SPMIP2: variants seen among roughly 807,000 people sequenced by gnomAD.
SPMIP2 encodes the protein sperm microtubule inner protein 2, also known as protein SPMIP2.
At chr4:159,076,097 C>T in the SPMIP2 span, among the ~76,000 whole-genome samples, 2 of 152,174 alleles carry the variant, frequency 1.3e-5, no homozygotes, top group African/African-American at 4.8e-5. Flanking sequence ...CATGTTAATT[C>T]TCCCAACAAC....
the SPMIP2 span, among the ~76,000 whole-genome samples, chr4:159,044,507 T>C: frequency 2.0e-5 from 3 of 149,820 alleles, no homozygotes; most frequent in South Asian, 6.4e-4. Flanking sequence ...AAAAATCAAG[T>C]CAAAAGGCCC....
chr4:158,915,127 C>T, the SPMIP2 span: 2 of 1,540,090 alleles, frequency 1.3e-6, no homozygotes, highest in Non-Finnish European at 1.8e-6. Context: ...GTTAAAGCAG[C>T]CTGACTTTTT....
the SPMIP2 span, among the ~76,000 whole-genome samples, chr4:158,952,178 CCTTG>C: frequency 1.3e-5 from 2 of 152,118 alleles, no homozygotes; most frequent in Non-Finnish European, 2.9e-5. Context: ...AATCAGTACT[CCTTG>C]CTTGTTATTT....
chr4:159,011,668 C>T, the SPMIP2 span, among the ~76,000 whole-genome samples: 1 of 151,224 alleles, frequency 6.6e-6, no homozygotes, highest in Non-Finnish European at 1.5e-5. Context: ...GCAGGAGAAT[C>T]GCTTGAACCT....
chr4:159,025,323 C>T, the SPMIP2 span, among the ~76,000 whole-genome samples: 1 of 152,138 alleles, frequency 6.6e-6, no homozygotes, highest in Non-Finnish European at 1.5e-5. Flanking sequence ...AACCACCACA[C>T]CTGGCTAATT....
the SPMIP2 span, among the ~76,000 whole-genome samples, chr4:158,979,280 C>T: frequency 6.6e-6 from 1 of 152,198 alleles, no homozygotes; most frequent in Admixed American, 6.5e-5. Flanking sequence ...TGGATCTTAG[C>T]TTGCTGGGCT....
At chr4:158,985,493 C>T in the SPMIP2 span, among the ~76,000 whole-genome samples, 1 of 151,660 alleles carries the variant, frequency 6.6e-6, no homozygotes, top group Admixed American at 6.6e-5. Context: ...ACAAATCAAT[C>T]AGTGTAATCC....
chr4:159,043,537 C>T, the SPMIP2 span, among the ~76,000 whole-genome samples: 2 of 152,166 alleles, frequency 1.3e-5, no homozygotes, highest in South Asian at 4.2e-4. Flanking sequence ...TTAGTAGAGA[C>T]GGGGTTTCAC....
the SPMIP2 span, chr4:159,034,907 A>C: frequency 1.3e-6 from 1 of 750,438 alleles, no homozygotes; most frequent in Admixed American, 2.9e-5. Context: ...AAAAACCCAA[A>C]AAACAAACAA....
At chr4:158,982,606 T>A in the SPMIP2 span, among the ~76,000 whole-genome samples, 6 of 152,038 alleles carry the variant, frequency 3.9e-5, no homozygotes, top group South Asian at 1.2e-3. Context: ...AACTGAACAA[T>A]CTGCTCCTGA....
the SPMIP2 span, among the ~76,000 whole-genome samples, chr4:158,926,856 A>G: frequency 1.3e-5 from 2 of 152,218 alleles, no homozygotes; most frequent in Non-Finnish European, 2.9e-5. Flanking sequence ...AATCCAAAAA[A>G]GGAAATGGAG....
chr4:159,030,933 T>C, the SPMIP2 span, among the ~76,000 whole-genome samples: 1 of 152,258 alleles, frequency 6.6e-6, no homozygotes, highest in Non-Finnish European at 1.5e-5. Context: ...TTTTACATTA[T>C]TGACATCCAA....
chr4:158,947,703 C>T, the SPMIP2 span, among the ~76,000 whole-genome samples: 2 of 151,870 alleles, frequency 1.3e-5, no homozygotes, highest in South Asian at 4.2e-4. Context: ...TGAGTTAATC[C>T]TTCAAAAGTA....
the SPMIP2 span, chr4:159,026,385 T>C: frequency 1.2e-6 from 1 of 848,102 alleles, no homozygotes; most frequent in East Asian, 2.9e-5. Flanking sequence ...TCTACAACTT[T>C]ACAGATGGAT....
At chr4:158,901,122 G>C in the SPMIP2 span, among the ~76,000 whole-genome samples, 1 of 142,708 alleles carries the variant, frequency 7.0e-6, no homozygotes, top group Non-Finnish European at 1.5e-5. Context: ...GAAATTCTGG[G>C]TTGAAATTTT....
chr4:159,082,451 G>C, the SPMIP2 span, among the ~76,000 whole-genome samples: 10,753 of 53,662 alleles, frequency 0.2, 447 homozygotes, highest in Admixed American at 0.31. Flanking sequence ...ACTTTTCTCT[G>C]TGTGTGTGTG....
At chr4:158,922,180 G>A in the SPMIP2 span, among the ~76,000 whole-genome samples, 88 of 152,082 alleles carry the variant, frequency 5.8e-4, no homozygotes, top group African/African-American at 1.8e-3. Flanking sequence ...GAGCCACCGC[G>A]CCCAGCCTTA....
the SPMIP2 span, among the ~76,000 whole-genome samples, chr4:159,033,331 G>A: frequency 1.3e-5 from 2 of 152,124 alleles, no homozygotes; most frequent in Admixed American, 1.3e-4. Flanking sequence ...TGAAGCACAA[G>A]AGATTTTTTA....
chr4:158,915,117 G>A, the SPMIP2 span: 2 of 1,491,208 alleles, frequency 1.3e-6, no homozygotes, highest in East Asian at 2.4e-5. Flanking sequence ...TGATTTATAT[G>A]TTAAAGCAGC....
Sources: gnomAD v4.1 joint callset for allele counts (sites outside exome capture counted in the v4.1 genomes callset) on GRCh38, gnomAD v4.1.1 for gene constraint, MANE v1.5 for transcripts, NCBI Gene and HGNC (gene_info 2026-07-23, HGNC 2026-07-21) for gene names.